The following BOK variants were observed in gnomAD, a reference collection of about 807,000 sequenced individuals.
BOK encodes the protein BCL2 family apoptosis regulator BOK.
Under a neutral mutation model 18.3 loss-of-function variants are expected in BOK, and 20 were observed. The observed-to-expected ratio is 1.09, with a 90% CI of 0.77 to 1.59. BOK has a LOEUF of 1.59. Ranked by LOEUF, BOK falls within the 40% of genes most tolerant of loss-of-function variation. The pLI, the probability that BOK is intolerant of heterozygous loss-of-function variation, is 0.00. For synonymous variants in BOK, 173 were observed against 142.4 expected (o/e 1.21, Z -1.53); for missense variants, 348 against 307.9 (o/e 1.13, Z -0.97).
chr2:241,569,257 G>A (rs1484734102), intron 3 of BOK, among the ~76,000 whole-genome samples: 4 of 152,158 alleles, frequency 2.6e-5, no homozygotes, highest in East Asian at 1.9e-4. Flanking sequence ...TCAGCCTCCC[G>A]AGTAGCTGGG....
Position 241,562,491 on chromosome 2 carries a change from C to A in BOK, c.349+15C>A, listed in dbSNP as rs1384073193. On this transcript the variant is annotated intron_variant, in intron 3 of 4. Transcript: ENST00000318407. The surrounding 1 kb of genome is among the most constrained non-coding windows in gnomAD (Gnocchi z 4.5). The stretch of plus-strand genomic sequence containing the variant: ...CTTCTCTGCAGGTATGCCCAGCCTG[C>A]CCGTCCCATGGGACCTCAGGGAGGG... 1.2e-6 allele frequency: 2 copies of A among 1,600,196 alleles called. No homozygotes were observed. Among genetic ancestry groups the A allele is most frequent in the Non-Finnish European group, 1.7e-6 (2 of 1,174,548 alleles).
chr2:241,570,199 C>T lies in BOK; in HGVS notation c.424C>T (p.Gln142Ter), dbSNP rs1575004114. 2 of 1,607,272 alleles carry T rather than the reference C, an allele frequency of 1.2e-6. No individual in the cohort carries two copies. The highest frequency in any genetic ancestry group is 1.7e-6 in the Non-Finnish European group (2 of 1,178,210). Residue 142 changes from glutamine (Q) to a stop codon, truncating the protein, a stop_gained, in exon 4 of 5, where the codon CAG (glutamine) becomes TAG (stop). Coordinates refer to ENST00000318407, the MANE Select transcript of BOK (RefSeq NM_032515.5). LOFTEE classifies it high-confidence loss of function. ...GLAVDCVRQAQPAMVHALVDC... is the reference protein window; with the variant it reads ...GLAVDCVRQA ...GGCCGTGGACTGTGTGAGGCAGGCC[C>T]AGCCTGCCATGGTCCACGCCCTCGT...
intron 3 of BOK, among the ~76,000 whole-genome samples, chr2:241,568,752 G>A (rs2066657126): frequency 6.6e-6 from 1 of 152,220 alleles, no homozygotes; most frequent in South Asian, 2.1e-4. Flanking sequence ...CACCACATTT[G>A]TATCCATTTA....
upstream of BOK, among the ~76,000 whole-genome samples, chr2:241,554,638 G>A (rs969242441): frequency 6.6e-6 from 1 of 152,232 alleles, no homozygotes; most frequent in African/African-American, 2.4e-5. Flanking sequence ...TGGACAGCCC[G>A]ACTTTTTTCC....
rs187392584 is a variant in BOK at position 241,567,220 on chromosome 2, G to A, written c.350-2905G>A. 6.1e-5 allele frequency among the ~76,000 whole-genome samples: 8 copies of A among 131,274 alleles called. 2 individuals are homozygous for A. The highest frequency in any genetic ancestry group is 1.5e-4 in the Admixed American group (2 of 12,976). The allele number at this position is 131,274 out of a possible 152,430, so 86.1% of individuals were successfully genotyped here. A position where few individuals can be genotyped will look rare whatever the true frequency, so the allele number is the denominator to read the frequency against. On this transcript the variant is annotated intron_variant, in intron 3 of 4. Transcript: ENST00000318407. ...TGTGATCTTGCAACCTCCGCCACCC[G>A]GGTTCAAGCGATTCTCCTGCTTCAC...
At chr2:241,558,054 G>GAGACACACACACACACACACAC (rs545529201), upstream of BOK, among the ~76,000 whole-genome samples, 1 of 143,244 alleles carries the variant, frequency 7.0e-6, no homozygotes, top group African/African-American at 2.6e-5. Flanking sequence ...AGAGTTCCGA[G>GAGACACACACACACACACACAC]ACACACACAC....
intron 2 of BOK, chr2:241,560,196 TG>T (rs1278085978): frequency 2.0e-6 from 2 of 985,312 alleles, no homozygotes; most frequent in East Asian, 2.3e-4. Flanking sequence ...GTTGGTGCTG[TG>T]AGGACATCTG....
At position 241,562,464 on chromosome 2, in the gene BOK, ATCT is replaced by A. The variant is rs1559201369; in HGVS notation, c.341_343del (p.Phe114del). 10 of 1,610,950 alleles carry A rather than the reference ATCT, an allele frequency of 6.2e-6. No homozygotes were observed. Among genetic ancestry groups the A allele is most frequent in the Admixed American group, 5.0e-5 (3 of 59,858 alleles). On this transcript the variant is annotated inframe_deletion, in exon 3 of 5. Transcript: ENST00000318407. This position sits in a 1 kb window ranked among gnomAD's most constrained non-coding sequence, Gnocchi z 4.5. The stretch of plus-strand genomic sequence containing the variant: ...TGCGTTCCTGGCCGTGGCTGGCCAC[ATCT>A]TCTCTGCAGGTATGCCCAGCCTGCC...
At chr2:241,558,539 G>A (rs1559198605), upstream of BOK, among the ~76,000 whole-genome samples, 1 of 152,254 alleles carries the variant, frequency 6.6e-6, no homozygotes, top group Non-Finnish European at 1.5e-5. Flanking sequence ...ATTTTCAAAT[G>A]GACCCCGGGG....
intron 1 of BOK, among the ~76,000 whole-genome samples, chr2:241,552,941 G>A (rs921291358): frequency 3.3e-5 from 5 of 152,164 alleles, no homozygotes; most frequent in Admixed American, 3.3e-4. Flanking sequence ...GATTCCGGGC[G>A]GCTCGCCACA....
intron 4 of BOK, 66 bp downstream of exon 4, chr2:241,570,354 A>AATGGCGG: frequency 1.4e-6 from 2 of 1,390,516 alleles, no homozygotes; most frequent in African/African-American, 3.3e-5. Context: ...TACAGGAGGG[A>AATGGCGG]GTGGTGGATG....
upstream of BOK, among the ~76,000 whole-genome samples, chr2:241,554,418 C>G (rs2066436409): frequency 6.6e-6 from 1 of 152,202 alleles, no homozygotes; most frequent in African/African-American, 2.4e-5. Flanking sequence ...ACACAGCAGC[C>G]TTGAGTGAGC....
intron 2 of BOK, chr2:241,559,970 C>A (rs766403582): frequency 9.7e-6 from 7 of 720,078 alleles, no homozygotes; most frequent in Admixed American, 6.3e-5. Flanking sequence ...AAAGAATAAT[C>A]TATTAGTGGG....
chr2:241,570,239 A>T lies in BOK; in HGVS notation c.464A>T (p.Glu155Val), dbSNP rs563589520. The T allele has an allele frequency of 1.5e-5, 24 of 1,592,586 alleles. No individual in the cohort carries two copies. In the Admixed American group the frequency reaches 4.3e-4, roughly 28 times the overall value. ...MVHALVDCLG[E>V]FVRKTLATWL... is the part of the protein sequence containing the mutation. ...CACGCCCTCGTGGACTGCCTGGGGG[A>T]GTTCGTGCGCAAGACCCTGGCAACC... Residue 155 changes from glutamate to valine, a missense_variant, in exon 4 of 5, where the codon GAG (glutamate) becomes GTG (valine). By Grantham distance (121) the Glu-to-Val change is moderately radical. Coordinates refer to ENST00000318407, the MANE Select transcript of BOK (RefSeq NM_032515.5).
intron 2 of BOK, chr2:241,559,936 G>A (rs1031521532): frequency 1.2e-5 from 7 of 607,884 alleles, no homozygotes; most frequent in Middle Eastern, 8.4e-4. Context: ...AGTCATGCTG[G>A]CCATAAACAA....
chr2:241,563,320 C>T (rs1342351159), intron 3 of BOK, among the ~76,000 whole-genome samples: 1 of 152,236 alleles, frequency 6.6e-6, no homozygotes, highest in Non-Finnish European at 1.5e-5. Context: ...TCTGGCCCTG[C>T]AGACCTCAGC....
chr2:241,564,949 G>A (rs1487750478), intron 3 of BOK, among the ~76,000 whole-genome samples: 1 of 152,190 alleles, frequency 6.6e-6, no homozygotes, highest in African/African-American at 2.4e-5. Context: ...GCCCGGCCTT[G>A]CTTGAGCAGG....
At chr2:241,557,526 G>A (rs777065321), upstream of BOK, among the ~76,000 whole-genome samples, 4 of 151,832 alleles carry the variant, frequency 2.6e-5, no homozygotes, top group Non-Finnish European at 4.4e-5. Context: ...TGACCCGGCT[G>A]GTCTCAAACT....
chr2:241,564,158 G>A (rs544526246), intron 3 of BOK, among the ~76,000 whole-genome samples: 6 of 152,358 alleles, frequency 3.9e-5, no homozygotes, highest in African/African-American at 1.2e-4. Context: ...CTGCTGGAGC[G>A]GGAAGGCTGA....
Sources: gnomAD v4.1 joint callset for allele counts (sites outside exome capture counted in the v4.1 genomes callset) on GRCh38, gnomAD v4.1.1 for gene constraint, Gnocchi (gnomAD v3.1) non-coding constraint, MANE v1.5 for transcripts, NCBI Gene and HGNC (gene_info 2026-07-23, HGNC 2026-07-21) for gene names.